Variants in SLC36A4 observed in about 807,000 individuals in gnomAD.
SLC36A4 encodes the protein solute carrier family 36 member 4, also known as neutral amino acid uniporter 4.
Under a neutral mutation model 50.5 loss-of-function variants are expected in SLC36A4, and 49 were observed. The ratio of observed to expected loss-of-function variants is 0.97; its 90% CI spans 0.77 to 1.23. The LOEUF is 1.23. SLC36A4 is among the 50% of genes most tolerant of loss of function. SLC36A4 has a pLI of 0.00. For synonymous variants in SLC36A4, 207 were observed against 206.5 expected (o/e 1.00, Z -0.02); for missense variants, 611 against 608.4 (o/e 1.00, Z -0.05).
At chr11:93,165,689 A>G (rs1434913058) in intron 8 of SLC36A4, among the ~76,000 whole-genome samples, 1 of 152,128 alleles carries the variant, frequency 6.6e-6, no homozygotes, top group East Asian at 1.9e-4. Context: ...TCTTCATTTT[A>G]TAGATAAATA....
In SLC36A4 at chr11:93,144,184, A is replaced by G. The variant is rs1470055470; in HGVS notation, c.*4353T>C. ...TATCTAAAAGGCAACTGCAAGCAAA[A>G]TATTTTATTGAAAATTCAGAAAAGT... On this transcript the variant is annotated 3_prime_UTR_variant, in exon 11 of 11. Coordinates refer to ENST00000326402, the MANE Select transcript of SLC36A4 (RefSeq NM_152313.4). 1.3e-5 allele frequency: 2 copies of G among 152,074 alleles called. No individual in the cohort carries two copies. The highest frequency in any genetic ancestry group is 4.8e-5 in the African/African-American group (2 of 41,434). 9.4% of individuals were successfully genotyped at this position (152,074 alleles called of 1,614,324 possible).
rs1190154057 is a variant in SLC36A4, at chr11:93,162,733, A to C, written c.1010T>G (p.Ile337Arg). Reference sequence around the variant, plus strand: ...TACATCTTGGGGAAGATTTAAAGTTATGCTGCCTTTGATTTCATCATGGAA... The same window carrying C: ...TACATCTTGGGGAAGATTTAAAGTTCTGCTGCCTTTGATTTCATCATGGAA... The part of the protein sequence containing the change: ...MCFHDEIKGS[I>R]TLNLPQDVWL... Residue 337 changes from isoleucine (I) to arginine (R), a missense_variant, in exon 9 of 11, where the codon ATA becomes AGA. Transcript: ENST00000326402. The C allele has an allele frequency of 1.2e-6, 2 of 1,611,786 alleles. No individual in the cohort carries two copies. Among genetic ancestry groups the C allele is most frequent in the South Asian group, 1.1e-5 (1 of 90,704 alleles).
chr11:93,154,311 T>A (rs1417543880), intron 9 of SLC36A4, 34 bp from the exon 10 acceptor site: 1 of 1,110,030 alleles, frequency 9.0e-7, no homozygotes, highest in Non-Finnish European at 1.2e-6. Flanking sequence ...TTAGTCATTT[T>A]TAATGTGAAT....
At chr11:93,171,128 T>G (rs972050442) in intron 6 of SLC36A4, 1 of 152,066 alleles carries the variant, frequency 6.6e-6, no homozygotes, top group African/African-American at 2.4e-5. Flanking sequence ...CTGCCTTTTT[T>G]TTTTTCCATG....
rs1251070141 is a variant in SLC36A4 at position 93,197,919 on chromosome 11, T to A, written c.-87A>T. On this transcript the variant is annotated 5_prime_UTR_variant, in exon 1 of 11. Transcript: ENST00000326402. ...GCGTCAGGCCCAGGCCTACCTCCCC[T>A]GCCCGGAGGGACCCGCGCCTGGTGC... 4 of 1,311,674 alleles carry A rather than the reference T, an allele frequency of 3.0e-6. No homozygotes were observed. The highest frequency in any genetic ancestry group is 4.0e-6 in the Non-Finnish European group (4 of 1,004,900). 81.3% of individuals were successfully genotyped at this position (1,311,674 alleles called of 1,614,324 possible).
In SLC36A4 at chr11:93,145,195, G is replaced by A. The variant is rs1859823679; in HGVS notation, c.*3342C>T. ...TTTTATAGTATTTTGCAGTTAAAGA[G>A]ATTTTACATAACTACTATGAAACTA... On this transcript the variant is annotated 3_prime_UTR_variant, in exon 11 of 11. Transcript: ENST00000326402. The A allele has an allele frequency of 6.6e-6, 1 of 151,988 alleles. No individual in the cohort carries two copies. Among genetic ancestry groups the A allele is most frequent in the South Asian group, 2.1e-4 (1 of 4,828 alleles). The allele number at this position is 151,988 out of a possible 1,614,324, so 9.4% of individuals were successfully genotyped here.
rs1861787167 is a variant in SLC36A4 at position 93,182,666 on chromosome 11, C to T, written c.359+140G>A. On this transcript the variant is annotated intron_variant, in intron 4 of 10. Transcript: ENST00000326402. ...CAGATTTAAATTATATGAAATGCTA[C>T]CTTCTTCCATATTCATTACCTTAGA... is the stretch of plus-strand genomic sequence containing the variant. The T allele has an allele frequency of 6.1e-6, 3 of 494,688 alleles. No individual in the cohort carries two copies. The South Asian group carries it at 1.5e-4, about 24-fold the overall frequency. The allele number at this position is 494,688 out of a possible 1,614,324, so 30.6% of individuals were successfully genotyped here. A position where few individuals can be genotyped will look rare whatever the true frequency, so the allele number is the denominator to read the frequency against.
intron 7 of SLC36A4, chr11:93,167,511 G>C (rs1860930076): frequency 6.5e-6 from 1 of 153,588 alleles, no homozygotes; most frequent in Non-Finnish European, 1.4e-5. Context: ...AGGGATTACA[G>C]ACTAGTGTAG....
intron 5 of SLC36A4, 51 bp from the exon 6 acceptor site, chr11:93,180,932 A>C: frequency 2.1e-5 from 25 of 1,183,224 alleles, no homozygotes; most frequent in Non-Finnish European, 2.9e-5. Flanking sequence ...CTGAAATGTC[A>C]ATATATTTTA....
chr11:93,156,918 A>C lies in SLC36A4; in HGVS notation c.1038-2641T>G, dbSNP rs992111888. Among the ~76,000 whole-genome samples, 20 of 152,052 alleles carry C rather than the reference A, an allele frequency of 1.3e-4. 1 individual carries two copies. The highest frequency in any genetic ancestry group is 1.3e-3 in the Admixed American group (20 of 15,260). Reference sequence around the variant, plus strand: ...TTGCTTTTGGAGTCTTCATCATAAAATCTTTGCCCATTCCTATGTCCAGAA... The same window carrying C: ...TTGCTTTTGGAGTCTTCATCATAAACTCTTTGCCCATTCCTATGTCCAGAA... On this transcript the variant is annotated intron_variant, in intron 9 of 10. Coordinates refer to ENST00000326402, the MANE Select transcript of SLC36A4 (RefSeq NM_152313.4).
intron 1 of SLC36A4, among the ~76,000 whole-genome samples, chr11:93,196,401 C>G (rs1283922440): frequency 2.6e-5 from 4 of 152,108 alleles, no homozygotes; most frequent in Admixed American, 2.6e-4. Flanking sequence ...GAGTCTCGCT[C>G]TGTTGCCCAG....
rs544433678 is a variant in SLC36A4, at chr11:93,185,798, C to T, written c.72G>A (p.Arg24=). The change falls in exon 2 of 11, where the codon AGG becomes AGA. Residue 24 remains arginine (R), a synonymous_variant. Coordinates refer to ENST00000326402, the MANE Select transcript of SLC36A4 (RefSeq NM_152313.4). ...CAAAATTCTGCTCATTTATCAAGGGCCTCATTACATCCATATCTTTAAAAA... is the reference window on the plus strand; with the variant it reads ...CAAAATTCTGCTCATTTATCAAGGGTCTCATTACATCCATATCTTTAAAAA... ...RREELDMDVM[R]PLINEQNFDG... 1.2e-6 allele frequency: 2 copies of T among 1,602,148 alleles called. No homozygotes were observed. Among genetic ancestry groups the T allele is most frequent in the Non-Finnish European group, 1.7e-6 (2 of 1,176,998 alleles).
chr11:93,181,194 T>C, intron 5 of SLC36A4, among the ~76,000 whole-genome samples: 1 of 149,338 alleles, frequency 6.7e-6, no homozygotes, highest in Non-Finnish European at 1.5e-5. Context: ...TCATCTTACT[T>C]TGATTTGCCA....
Position 93,184,653 on chromosome 11 carries a change from T to C in SLC36A4, c.180-133A>G, listed in dbSNP as rs887784146. 8.3e-6 allele frequency: 5 copies of C among 602,042 alleles called. No homozygotes were observed. The Admixed American group carries it at 1.3e-4, about 16-fold the overall frequency. The allele number at this position is 602,042 out of a possible 1,614,324, so 37.3% of individuals were successfully genotyped here. ...CCAAATAACATTTCCATCCCACCAC[T>C]GGGCCAGAAGTCATACTTGGTTCAA... On this transcript the variant is annotated intron_variant, in intron 2 of 10. Transcript: ENST00000326402.
intron 9 of SLC36A4, chr11:93,159,667 G>T: frequency 3.1e-6 from 1 of 323,094 alleles, no homozygotes; most frequent in Non-Finnish European, 4.5e-6. Context: ...CCTTGAACTA[G>T]TAAAACCTTT....
intron 4 of SLC36A4, chr11:93,182,271 A>T: frequency 1.1e-6 from 1 of 899,830 alleles, no homozygotes; most frequent in African/African-American, 1.8e-5. Context: ...ATTGTTCTAT[A>T]AAGCTCATAA....
Position 93,164,782 on chromosome 11 carries a change from A to G in SLC36A4, c.867+1136T>C, listed in dbSNP as rs1860788520. Among the ~76,000 whole-genome samples, 4 of 152,232 alleles carry G rather than the reference A, an allele frequency of 2.6e-5. No homozygotes were observed. The South Asian group carries it at 6.2e-4, about 24-fold the overall frequency. On this transcript the variant is annotated intron_variant, in intron 8 of 10. Coordinates refer to ENST00000326402, the MANE Select transcript of SLC36A4 (RefSeq NM_152313.4). ...CCTTTATGGAATGAATTTGAGAAATATAAAAGAAAAGTCAACATGCCTTAA... is the reference window on the plus strand; with the variant it reads ...CCTTTATGGAATGAATTTGAGAAATGTAAAAGAAAAGTCAACATGCCTTAA...
chr11:93,150,863 A>C (rs1304024876), intron 10 of SLC36A4, among the ~76,000 whole-genome samples: 1 of 152,018 alleles, frequency 6.6e-6, no homozygotes, highest in Non-Finnish European at 1.5e-5. Context: ...ATATGACCAG[A>C]ATCTTGCCAC....
chr11:93,166,430 C>T lies in SLC36A4; in HGVS notation c.769-414G>A, dbSNP rs1170635607. ...TTCATTCTCCACTCTATTTTTATTG[C>T]TCTTTCAGTTCTCTAAGATACCTGG... On this transcript the variant is annotated intron_variant, in intron 7 of 10. Coordinates refer to ENST00000326402, the MANE Select transcript of SLC36A4 (RefSeq NM_152313.4). 5 of 989,264 alleles carry T rather than the reference C, an allele frequency of 5.1e-6. No homozygotes were observed. The African/African-American group carries it at 7.0e-5, about 14-fold the overall frequency. The allele number at this position is 989,264 out of a possible 1,614,324, so 61.3% of individuals were successfully genotyped here.
Sources: allele counts gnomAD v4.1 joint callset (sites outside exome capture counted in the v4.1 genomes callset), GRCh38; gene constraint gnomAD v4.1.1; transcripts MANE v1.5; gene names NCBI Gene and HGNC (gene_info 2026-07-23, HGNC 2026-07-21).